RALGAPA2: variants seen among roughly 807,000 people sequenced by gnomAD.
The protein encoded by RALGAPA2 is ral GTPase-activating protein subunit alpha-2.
In RALGAPA2, 139 loss-of-function variants were observed where a neutral mutation model predicts 230.4. The ratio of observed to expected loss-of-function variants is 0.60; its 90% CI spans 0.53 to 0.69. The LOEUF (loss-of-function observed/expected upper bound fraction) is 0.69. Ranked by LOEUF, RALGAPA2 falls within the 30% of genes least tolerant of loss-of-function variation. The pLI is 0.00. For synonymous variants in RALGAPA2, 847 were observed against 837.8 expected, an observed-to-expected ratio of 1.01 and a Z score of -0.19; for missense variants, 2,163 against 2,276.0, an observed-to-expected ratio of 0.95 and a Z score of 1.01.
intron 35 of RALGAPA2, among the ~76,000 whole-genome samples, chr20:20,500,588 C>T (rs1452499922): frequency 6.6e-6 from 1 of 152,222 alleles, no homozygotes; most frequent in East Asian, 1.9e-4. Flanking sequence ...TGTGCAGTGA[C>T]TTCCTTCACT....
At chr20:20,634,653 C>A (rs1001902300) in intron 9 of RALGAPA2, among the ~76,000 whole-genome samples, 1 of 152,132 alleles carries the variant, frequency 6.6e-6, no homozygotes, top group Non-Finnish European at 1.5e-5. Flanking sequence ...TCTAGGGCAT[C>A]GGCAAATCTG....
chr20:20,499,635 G>A (rs1056481242), intron 35 of RALGAPA2, among the ~76,000 whole-genome samples: 2 of 152,212 alleles, frequency 1.3e-5, no homozygotes, highest in Non-Finnish European at 2.9e-5. Flanking sequence ...CCTCCAAGAC[G>A]TGTGGGAACC....
chr20:20,670,334 G>A (rs2068092557), intron 3 of RALGAPA2, among the ~76,000 whole-genome samples: 1 of 152,200 alleles, frequency 6.6e-6, no homozygotes, highest in Non-Finnish European at 1.5e-5. Context: ...AGAATAATAG[G>A]TTCTAGAGTT....
intron 1 of RALGAPA2, among the ~76,000 whole-genome samples, chr20:20,703,251 G>T (rs1363751631): frequency 6.6e-6 from 1 of 152,072 alleles, no homozygotes; most frequent in African/African-American, 2.4e-5. Flanking sequence ...ACATAAAATG[G>T]TTATGAAACA....
Position 20,392,870 on chromosome 20 carries a change from T to C in RALGAPA2, c.*419A>G. The C allele has an allele frequency of 3.5e-6, 1 of 285,788 alleles. No homozygotes were observed. Among genetic ancestry groups the C allele is most frequent in the South Asian group, 3.3e-5 (1 of 30,732 alleles). 17.7% of individuals were successfully genotyped at this position (285,788 alleles called of 1,614,324 possible). A position where few individuals can be genotyped will look rare whatever the true frequency, so the allele number is the denominator to read the frequency against. ...AACAACTTGGGGTGCAGAAGCAAGC[T>C]GCCCTCTGCCCCCTCCCTGAAAGCG... On this transcript the variant is annotated 3_prime_UTR_variant, in exon 40 of 40. Transcript: ENST00000202677.
chr20:20,449,047 C>T (rs946964053), intron 37 of RALGAPA2, among the ~76,000 whole-genome samples: 1 of 152,164 alleles, frequency 6.6e-6, no homozygotes, highest in Non-Finnish European at 1.5e-5. Context: ...GGCAAAAACA[C>T]ATTATGAAGT....
In RALGAPA2 at chr20:20,594,728, C is replaced by CTTTTTT. The variant is rs759189397; in HGVS notation, c.2204-3420_2204-3415dup. On this transcript the variant is annotated intron_variant, in intron 16 of 39. Transcript: ENST00000202677. The stretch of plus-strand genomic sequence containing the variant: ...AATACCATTACTAAACTATTACTTT[C>CTTTTTT]TTTTTTTTTTTTTTTTTTGAGATGG... Among the ~76,000 whole-genome samples, 4 of 134,042 alleles carry CTTTTTT rather than the reference C, an allele frequency of 3.0e-5. 1 individual carries two copies. 87.9% of individuals were successfully genotyped at this position (134,042 alleles called of 152,430 possible). A position where few individuals can be genotyped will look rare whatever the true frequency, so the allele number is the denominator to read the frequency against.
intron 37 of RALGAPA2, among the ~76,000 whole-genome samples, chr20:20,447,143 A>C (rs1391491203): frequency 6.6e-6 from 1 of 152,216 alleles, no homozygotes; most frequent in Non-Finnish European, 1.5e-5. Context: ...TGGGTTGATA[A>C]AGGAAGGGGG....
intron 23 of RALGAPA2, among the ~76,000 whole-genome samples, chr20:20,553,867 T>C (rs897490598): frequency 1.3e-5 from 2 of 152,216 alleles, no homozygotes; most frequent in Admixed American, 6.5e-5. Context: ...AGATGGACTG[T>C]TCTGCTTCAG....
chr20:20,555,581 A>G (rs2064060243), intron 23 of RALGAPA2, among the ~76,000 whole-genome samples: 1 of 152,170 alleles, frequency 6.6e-6, no homozygotes, highest in African/African-American at 2.4e-5. Context: ...GGTAGTTTTT[A>G]AAGTCCTACA....
chr20:20,662,302 T>TA (rs11479237), intron 3 of RALGAPA2, among the ~76,000 whole-genome samples: 2,017 of 146,102 alleles, frequency 0.014, 21 homozygotes, highest in Non-Finnish European at 0.022. Flanking sequence ...ACACTCAAGT[T>TA]AAAAAAAAAA....
rs140027327 is a variant in RALGAPA2, at chr20:20,572,322, G to T, written c.2902-376C>A. 3.5e-3 allele frequency among the ~76,000 whole-genome samples: 530 copies of T among 151,858 alleles called. 4 individuals carry two copies. The highest frequency in any genetic ancestry group is 0.012 in the African/African-American group (496 of 41,430). On this transcript the variant is annotated intron_variant, in intron 21 of 39. Coordinates refer to ENST00000202677, the MANE Select transcript of RALGAPA2 (RefSeq NM_020343.4). ...CCAAACAAAAATCAGAATAAAAATT[G>T]TATGTACTACTCAGGAGGCTAAAGC...
At chr20:20,416,956 C>A (rs915949693) in intron 37 of RALGAPA2, among the ~76,000 whole-genome samples, 1 of 152,206 alleles carries the variant, frequency 6.6e-6, no homozygotes, top group Non-Finnish European at 1.5e-5. Context: ...AGTTTGCGTA[C>A]CCACCTCAGT....
At chr20:20,482,733 T>C (rs1422693674) in intron 36 of RALGAPA2, among the ~76,000 whole-genome samples, 2 of 151,954 alleles carry the variant, frequency 1.3e-5, no homozygotes, top group Non-Finnish European at 2.9e-5. Flanking sequence ...AAGTCAGAGG[T>C]AGGGCCACAA....
Position 20,531,805 on chromosome 20 carries a change from A to C in RALGAPA2, c.3474-10T>G. On this transcript the variant is annotated splice_polypyrimidine_tract_variant and intron_variant, in intron 26 of 39. Transcript: ENST00000202677. ...GCAAACAGCAATGCATCTTTTTAAAAAGAAGAAAACAGAGGAAAACTCTCA... is the reference window on the plus strand; with the variant it reads ...GCAAACAGCAATGCATCTTTTTAAACAGAAGAAAACAGAGGAAAACTCTCA... 11 of 1,574,096 alleles carry C rather than the reference A, an allele frequency of 7.0e-6. No homozygotes were observed. Among genetic ancestry groups the C allele is most frequent in the Non-Finnish European group, 9.5e-6 (11 of 1,156,758 alleles).
intron 1 of RALGAPA2, among the ~76,000 whole-genome samples, chr20:20,686,549 A>G (rs1603244299): frequency 6.6e-6 from 1 of 151,796 alleles, no homozygotes; most frequent in Non-Finnish European, 1.5e-5. Context: ...AAAAAAAAAA[A>G]TAGGGCTAAC....
At position 20,495,271 on chromosome 20, in the gene RALGAPA2, C is replaced by T. The variant is rs2062172969; in HGVS notation, c.5213G>A (p.Arg1738His). Residue 1738 changes from arginine to histidine, a missense_variant, in exon 36 of 40, where the codon CGT becomes CAT. Arg to His is a conservative substitution (Grantham distance 29). Transcript: ENST00000202677. ...ATGGACCTCGTCATTCCCCAAGTGACGAAGCTGCAACAGCAAATTGACTGT... is the reference window on the plus strand; with the variant it reads ...ATGGACCTCGTCATTCCCCAAGTGATGAAGCTGCAACAGCAAATTGACTGT... Reference protein sequence around the residue: ...DSDDSLTKKLRHLGNDEVHIV... With the variant: ...DSDDSLTKKLHHLGNDEVHIV... The T allele has an allele frequency of 4.0e-6, 6 of 1,517,646 alleles. No individual in the cohort carries two copies. The highest frequency in any genetic ancestry group is 5.4e-6 in the Non-Finnish European group (6 of 1,116,132). 94.0% of individuals were successfully genotyped at this position (1,517,646 alleles called of 1,614,324 possible). A position where few individuals can be genotyped will look rare whatever the true frequency, so the allele number is the denominator to read the frequency against.
chr20:20,478,050 G>A (rs1182002186), intron 36 of RALGAPA2, among the ~76,000 whole-genome samples: 1 of 152,146 alleles, frequency 6.6e-6, no homozygotes, highest in Non-Finnish European at 1.5e-5. Flanking sequence ...TCTAGGGGTG[G>A]AAATTTTACA....
chr20:20,471,727 A>C (rs1240526786), intron 37 of RALGAPA2: 1 of 152,174 alleles, frequency 6.6e-6, no homozygotes, highest in Non-Finnish European at 1.5e-5. Context: ...CCTGGCCCCC[A>C]GGGGAGGGAC....
Sources: allele counts gnomAD v4.1 joint callset (sites outside exome capture counted in the v4.1 genomes callset), GRCh38; gene constraint gnomAD v4.1.1; transcripts MANE v1.5; gene names NCBI Gene and HGNC (gene_info 2026-07-23, HGNC 2026-07-21).